Variants in DCLK2 observed in about 807,000 individuals in gnomAD.
DCLK2 encodes doublecortin like kinase 2, also known as serine/threonine-protein kinase DCLK2.
A neutral mutation model predicts 78.4 loss-of-function variants in DCLK2; 31 were observed. The observed-to-expected ratio is 0.40, with a 90% confidence interval of 0.30 to 0.53. The LOEUF (loss-of-function observed/expected upper bound fraction) is 0.53, where lower values mean the gene tolerates loss of function less well. Ranked by LOEUF, DCLK2 falls within the 20% of genes least tolerant of loss-of-function variation. The pLI, the probability that DCLK2 is intolerant of heterozygous loss-of-function variation, is 0.61. For missense variants in DCLK2, 872 were observed against 973.7 expected (o/e 0.90, Z 1.39); for synonymous variants, 407 against 374.9 (o/e 1.09, Z -0.99).
rs79658163 is a variant in DCLK2, at chr4:150,131,787, T to G, written c.756+28975T>G. Among the ~76,000 whole-genome samples, 331 of 152,252 alleles carry G rather than the reference T, an allele frequency of 2.2e-3. 1 individual carries two copies. Among genetic ancestry groups the G allele is most frequent in the African/African-American group, 7.6e-3 (315 of 41,518 alleles). ...TTGGCAGGTCCCTGTGTTCCTTCCCTGGGTAATGTGTGCTGCCCTTCCCTG... is the reference window on the plus strand; with the variant it reads ...TTGGCAGGTCCCTGTGTTCCTTCCCGGGGTAATGTGTGCTGCCCTTCCCTG... On this transcript the variant is annotated intron_variant, in intron 2 of 15. Transcript: ENST00000296550.
intron 5 of DCLK2, among the ~76,000 whole-genome samples, chr4:150,218,978 C>A (rs1252300562): frequency 6.6e-6 from 1 of 152,124 alleles, no homozygotes; most frequent in East Asian, 1.9e-4. Flanking sequence ...CTGAGGCAGG[C>A]AGATGGCTTA....
intron 5 of DCLK2, among the ~76,000 whole-genome samples, chr4:150,214,688 A>G (rs568402795): frequency 5.9e-5 from 9 of 152,178 alleles, no homozygotes; most frequent in Non-Finnish European, 1.2e-4. Flanking sequence ...CCTGCCGGGC[A>G]CGATGGCTCA....
At chr4:150,119,283 T>G (rs533989296) in intron 2 of DCLK2, among the ~76,000 whole-genome samples, 5 of 152,254 alleles carry the variant, frequency 3.3e-5, no homozygotes, top group Admixed American at 3.3e-4. Context: ...GTGTTTTTAG[T>G]TTTTCCTTCT....
chr4:150,206,475 A>G (rs1442404427), intron 5 of DCLK2, among the ~76,000 whole-genome samples: 1 of 151,996 alleles, frequency 6.6e-6, no homozygotes, highest in African/African-American at 2.4e-5. Flanking sequence ...TCTTTCCAGG[A>G]CCACCCCCTG....
intron 2 of DCLK2, among the ~76,000 whole-genome samples, chr4:150,166,105 C>T (rs1169614113): frequency 3.3e-5 from 5 of 151,984 alleles, no homozygotes; most frequent in Non-Finnish European, 5.9e-5. Flanking sequence ...TGTAGTCACA[C>T]AAAACTAAGA....
At chr4:150,169,823 A>G (rs1736380847) in intron 2 of DCLK2, among the ~76,000 whole-genome samples, 1 of 152,212 alleles carries the variant, frequency 6.6e-6, no homozygotes, top group Non-Finnish European at 1.5e-5. Flanking sequence ...TGTGATTGAC[A>G]GACAGCTAAT....
intron 2 of DCLK2, among the ~76,000 whole-genome samples, chr4:150,186,093 G>C (rs577121637): frequency 1.5e-4 from 23 of 152,216 alleles, no homozygotes; most frequent in Admixed American, 1.2e-3. Context: ...CATTATTCCT[G>C]ATGAGCTTCT....
At position 150,232,741 on chromosome 4, in the gene DCLK2, T is replaced by G; in HGVS notation, c.1479T>G (p.Ser493Arg). ...SSTKYTERDGSAMVYNLANAL... is the reference protein window; with the variant it reads ...SSTKYTERDGRAMVYNLANAL... ...CCAAGTACACTGAGAGAGATGGCAG[T>G]GCCATGGTGTACAACTTAGCCAATG... The change falls in exon 10 of 16, where the codon AGT becomes AGG. Residue 493 changes from serine (S) to arginine (R), a missense_variant. By Grantham distance (110) the Ser-to-Arg change is moderately radical. Transcript: ENST00000296550. The G allele has an allele frequency of 6.2e-7, 1 of 1,614,116 alleles. No homozygotes were observed. Among genetic ancestry groups the G allele is most frequent in the Non-Finnish European group, 8.5e-7 (1 of 1,179,958 alleles).
intron 10 of DCLK2, 143 bp from the exon 11 acceptor site, chr4:150,239,599 T>C: frequency 1.7e-6 from 2 of 1,168,054 alleles, no homozygotes; most frequent in Admixed American, 2.3e-5. Flanking sequence ...AGACCGTGTC[T>C]TCAAAAAAAA....
chr4:150,173,574 C>A (rs1560832981), intron 2 of DCLK2, among the ~76,000 whole-genome samples: 1 of 152,172 alleles, frequency 6.6e-6, no homozygotes, highest in Admixed American at 6.5e-5. Context: ...TGAGCCTACC[C>A]ACAAGGATGT....
intron 2 of DCLK2, among the ~76,000 whole-genome samples, chr4:150,118,429 T>C (rs1248955612): frequency 6.6e-6 from 1 of 152,188 alleles, no homozygotes; most frequent in Non-Finnish European, 1.5e-5. Flanking sequence ...CTTAGAGTTA[T>C]TTTATAGATT....
intron 2 of DCLK2, among the ~76,000 whole-genome samples, chr4:150,139,855 C>T (rs1355511645): frequency 6.6e-6 from 1 of 152,150 alleles, no homozygotes; most frequent in Non-Finnish European, 1.5e-5. Flanking sequence ...GTCATTCCAT[C>T]CTTTTAAATG....
chr4:150,203,973 T>C (rs1739650911), intron 5 of DCLK2, 84 bp downstream of exon 5: 2 of 1,260,842 alleles, frequency 1.6e-6, no homozygotes, highest in Admixed American at 1.9e-5. Flanking sequence ...TTTGGGGGCT[T>C]GAGTACAGTA....
chr4:150,187,803 CTT>C (rs11415812), intron 2 of DCLK2, among the ~76,000 whole-genome samples: 5 of 137,544 alleles, frequency 3.6e-5, no homozygotes, highest in South Asian at 4.6e-4. Flanking sequence ...CTCAGTTGTA[CTT>C]TTTTTTTTTT....
chr4:150,097,220 G>A (rs1428546861), intron 1 of DCLK2, among the ~76,000 whole-genome samples: 2 of 149,846 alleles, frequency 1.3e-5, no homozygotes, highest in African/African-American at 4.9e-5. Flanking sequence ...CTGTCACCCA[G>A]GCTGGAGTGC....
chr4:150,240,069 G>A (rs922949100), intron 11 of DCLK2, among the ~76,000 whole-genome samples, 194 bp downstream of exon 11: 1 of 149,932 alleles, frequency 6.7e-6, no homozygotes, highest in Non-Finnish European at 1.5e-5. Context: ...CTGTGAAGGT[G>A]GAGAATGGAA....
chr4:150,091,805 G>A (rs1041788966), intron 1 of DCLK2, among the ~76,000 whole-genome samples: 3 of 140,670 alleles, frequency 2.1e-5, no homozygotes, highest in African/African-American at 7.8e-5. Flanking sequence ...GTGTGTGTGT[G>A]TGTATTTGTG....
intron 2 of DCLK2, among the ~76,000 whole-genome samples, chr4:150,136,979 CTTTTTT>C (rs35729685): frequency 6.1e-5 from 5 of 82,406 alleles, no homozygotes; most frequent in Non-Finnish European, 8.9e-5. Context: ...TCTTCTTCTT[CTTTTTT>C]TTTTTTTTTT....
chr4:150,243,615 G>A (rs184191970), intron 12 of DCLK2, among the ~76,000 whole-genome samples: 4 of 152,228 alleles, frequency 2.6e-5, no homozygotes, highest in African/African-American at 7.2e-5. Flanking sequence ...AACTACAATC[G>A]TTACTTGGAA....
Sources: allele counts gnomAD v4.1 joint callset (sites outside exome capture counted in the v4.1 genomes callset), GRCh38; gene constraint gnomAD v4.1.1; transcripts MANE v1.5; gene names NCBI Gene and HGNC (gene_info 2026-07-23, HGNC 2026-07-21).